The following DOCK10 variants were observed in gnomAD, a reference collection of about 807,000 sequenced individuals.
The protein encoded by DOCK10 is dedicator of cytokinesis protein 10.
In DOCK10, 145 loss-of-function variants were observed where a neutral mutation model predicts 280.1. The ratio of observed to expected loss-of-function variants is 0.52; its 90% CI spans 0.45 to 0.59. The LOEUF (loss-of-function observed/expected upper bound fraction) is 0.59. DOCK10 is among the 20% of genes least tolerant of loss of function. The probability of loss-of-function intolerance (pLI) is 0.00; values close to 1 mark genes in which losing one functional copy is unlikely to be tolerated. For synonymous variants in DOCK10, 915 were observed against 942.2 expected (o/e 0.97, Z 0.53); for missense variants, 2,368 against 2,651.7 (o/e 0.89, Z 2.35).
At chr2:224,935,529 T>C (rs1463825418) in intron 1 of DOCK10, among the ~76,000 whole-genome samples, 1 of 152,222 alleles carries the variant, frequency 6.6e-6, no homozygotes, top group Admixed American at 6.5e-5. Flanking sequence ...TTCCTGGGAT[T>C]CCAGTTTTGG....
chr2:224,811,383 T>C (rs1009537669), intron 31 of DOCK10, among the ~76,000 whole-genome samples: 9 of 152,242 alleles, frequency 5.9e-5, no homozygotes, highest in African/African-American at 2.2e-4. Context: ...TTCTGGATAT[T>C]AGCCCTTTGT....
chr2:225,035,542 T>TTTTATATATA (rs1553634838), intron 1 of DOCK10, among the ~76,000 whole-genome samples: 1 of 50,030 alleles, frequency 2.0e-5, no homozygotes, highest in South Asian at 8.3e-4. Flanking sequence ...ATGATATATA[T>TTTTATATATA]TATATATATA....
At chr2:224,796,085 G>T (rs1473657641) in intron 44 of DOCK10, among the ~76,000 whole-genome samples, 1 of 151,472 alleles carries the variant, frequency 6.6e-6, no homozygotes, top group East Asian at 1.9e-4. Context: ...TAGAGACAAG[G>T]TCTTGCTCTG....
chr2:224,902,649 T>C (rs550460817), intron 3 of DOCK10, among the ~76,000 whole-genome samples: 3 of 151,964 alleles, frequency 2.0e-5, no homozygotes, highest in Non-Finnish European at 4.4e-5. Context: ...CCAGGATGTG[T>C]GGGTCACCCA....
At chr2:224,840,109 A>G (rs1429569177) in intron 23 of DOCK10, 37 bp from the exon 24 acceptor site, 2 of 998,834 alleles carry the variant, frequency 2.0e-6, no homozygotes, top group Admixed American at 2.2e-5. Flanking sequence ...ATACCAATTA[A>G]ATTTGAAGCA....
At chr2:224,928,391 ACTTT>A (rs1702152959) in intron 2 of DOCK10, among the ~76,000 whole-genome samples, 1 of 152,142 alleles carries the variant, frequency 6.6e-6, no homozygotes, top group African/African-American at 2.4e-5. Flanking sequence ...GTTCAATAAA[ACTTT>A]CTTTATGGGT....
intron 31 of DOCK10, among the ~76,000 whole-genome samples, chr2:224,809,540 T>C (rs1252013525): frequency 1.3e-5 from 2 of 152,010 alleles, no homozygotes; most frequent in African/African-American, 4.8e-5. Flanking sequence ...GTTTTAAAAA[T>C]GGGCAAAGGA....
chr2:224,874,961 T>G lies in DOCK10; in HGVS notation c.932-210A>C, dbSNP rs578241614. ...CCTCTGATGATCATTTTGGGATTCT[T>G]GCTATGATACCATCTTGTGTCCACA... On this transcript the variant is annotated intron_variant, in intron 8 of 55. Transcript: ENST00000258390. 8.5e-5 allele frequency among the ~76,000 whole-genome samples: 13 copies of G among 152,346 alleles called. 1 individual carries two copies. The highest frequency in any genetic ancestry group is 6.2e-4 in the South Asian group (3 of 4,828).
intron 19 of DOCK10, among the ~76,000 whole-genome samples, chr2:224,848,012 G>C (rs777421938): frequency 2.0e-5 from 3 of 152,182 alleles, no homozygotes; most frequent in Non-Finnish European, 4.4e-5. Flanking sequence ...GGAAGGCAGA[G>C]TCATAAGAGA....
intron 2 of DOCK10, among the ~76,000 whole-genome samples, chr2:224,920,131 G>A (rs1298356093): frequency 6.6e-6 from 1 of 152,064 alleles, no homozygotes; most frequent in African/African-American, 2.4e-5. Flanking sequence ...GCAGTGCAGT[G>A]GTACAATCAC....
At chr2:224,883,534 C>A (rs1699097038) in intron 7 of DOCK10, among the ~76,000 whole-genome samples, 1 of 152,192 alleles carries the variant, frequency 6.6e-6, no homozygotes, top group Non-Finnish European at 1.5e-5. Context: ...AATACACTAT[C>A]TCCCAGTTCT....
rs920160651 is a variant in DOCK10, at chr2:225,042,222, G to C, written c.123+30C>G. On this transcript the variant is annotated intron_variant, in intron 1 of 55. Transcript: ENST00000258390. The surrounding 1 kb of genome is among the most constrained non-coding windows in gnomAD (Gnocchi z 5.1). ...TTCCCCCCGGGCGCCTGGGGCGCGC[G>C]GGAAGGCGCGGAGGACGCGCCGCAC... 2 of 1,237,964 alleles carry C rather than the reference G, an allele frequency of 1.6e-6. No individual in the cohort carries two copies. Among genetic ancestry groups the C allele is most frequent in the Admixed American group, 4.3e-5 (1 of 23,184 alleles). 76.7% of individuals were successfully genotyped at this position (1,237,964 alleles called of 1,614,324 possible).
At position 224,789,175 on chromosome 2, in the gene DOCK10, G is replaced by T. The variant is rs368664184; in HGVS notation, c.5312-5C>A. The T allele has an allele frequency of 4.4e-6, 7 of 1,585,858 alleles. No homozygotes were observed. The Middle Eastern group carries it at 5.0e-4, about 112-fold the overall frequency. ...GCCATCCCATAGAGAACATGCCTTG[G>T]GAGGACCAAGCAGAATAAAACATTA... On this transcript the variant is annotated splice_polypyrimidine_tract_variant and splice_region_variant and intron_variant, in intron 47 of 55. Coordinates refer to ENST00000258390, the MANE Select transcript of DOCK10 (RefSeq NM_014689.3).
intron 41 of DOCK10, among the ~76,000 whole-genome samples, chr2:224,799,394 T>C (rs1004850175): frequency 6.6e-6 from 1 of 152,258 alleles, no homozygotes; most frequent in African/African-American, 2.4e-5. Context: ...CACAGATTTT[T>C]AAATCTATTC....
intron 2 of DOCK10, among the ~76,000 whole-genome samples, chr2:224,919,664 C>T (rs74717802): frequency 0.022 from 3,183 of 147,404 alleles, 104 homozygotes; most frequent in African/African-American, 0.076. Context: ...GTAGAGTGTG[C>T]GTGTGTCTGT....
chr2:225,014,816 G>C (rs1689548223), intron 1 of DOCK10, among the ~76,000 whole-genome samples: 1 of 152,094 alleles, frequency 6.6e-6, no homozygotes, highest in Non-Finnish European at 1.5e-5. Flanking sequence ...CCAGTGTGAA[G>C]GTTATTCCTT....
chr2:224,904,793 G>T (rs963309718), intron 3 of DOCK10, among the ~76,000 whole-genome samples: 20 of 152,102 alleles, frequency 1.3e-4, no homozygotes, highest in African/African-American at 4.8e-4. Context: ...TGGTTTCTTT[G>T]TCAGCTTACA....
intron 1 of DOCK10, among the ~76,000 whole-genome samples, chr2:224,932,291 C>T (rs1408141801): frequency 1.3e-5 from 2 of 152,118 alleles, no homozygotes; most frequent in African/African-American, 2.4e-5. Flanking sequence ...AAAAATAGCC[C>T]GATAATCACA....
rs1308851699 is a variant in DOCK10, at chr2:224,787,018, T to C, written c.5655+4A>G. On this transcript the variant is annotated splice_donor_region_variant and intron_variant, in intron 50 of 55. Coordinates refer to ENST00000258390, the MANE Select transcript of DOCK10 (RefSeq NM_014689.3). Reference sequence around the variant, plus strand: ...ATGGGCCGTGTTATTTCTGGTGAACTTACCTGCCCATAAAATGCCACACGA... The same window carrying C: ...ATGGGCCGTGTTATTTCTGGTGAACCTACCTGCCCATAAAATGCCACACGA... 1 of 1,609,138 alleles carries C rather than the reference T, an allele frequency of 6.2e-7. No individual in the cohort carries two copies. Among genetic ancestry groups the C allele is most frequent in the Admixed American group, 1.7e-5 (1 of 60,012 alleles).
Sources: gnomAD v4.1 joint callset for allele counts (sites outside exome capture counted in the v4.1 genomes callset) on GRCh38, gnomAD v4.1.1 for gene constraint, Gnocchi (gnomAD v3.1) non-coding constraint, MANE v1.5 for transcripts, NCBI Gene and HGNC (gene_info 2026-07-23, HGNC 2026-07-21) for gene names.